LANCL3: variants seen among roughly 807,000 people sequenced by gnomAD.
The protein encoded by LANCL3 is lanC-like protein 3.
In LANCL3, 19 loss-of-function variants were observed where a neutral mutation model predicts 26.5. The ratio of observed to expected loss-of-function variants is 0.72; its 90% CI spans 0.50 to 1.05. The LOEUF is 1.05. Among genes scored for constraint, LANCL3 ranks in the 50% least tolerant of loss-of-function variants. The probability of loss-of-function intolerance (pLI) is 0.00; values close to 1 mark genes in which losing one functional copy is unlikely to be tolerated. For synonymous variants in LANCL3, 160 were observed against 166.6 expected (o/e 0.96, Z 0.30); for missense variants, 318 against 362.7 (o/e 0.88, Z 1.00).
intron 1 of LANCL3, among the ~76,000 whole-genome samples, chrX:37,601,843 T>C (rs782562435): frequency 1.4e-3 from 160 of 112,119 alleles, no homozygotes; most frequent in Non-Finnish European, 1.9e-3. Context: ...GCAGAACTGT[T>C]ACATGGCCAT....
At chrX:37,666,113 G>T (rs1234975000) in intron 3 of LANCL3, among the ~76,000 whole-genome samples, 5 of 111,793 alleles carry the variant, frequency 4.5e-5, no homozygotes, top group African/African-American at 1.6e-4. Context: ...CTTAAAAAGG[G>T]TATGAAATCA....
At position 37,679,890 on chromosome X, in the gene LANCL3, G is replaced by T. The variant is rs1251279196; in HGVS notation, c.*4077G>T. The T allele has an allele frequency of 1.8e-5, 2 of 111,421 alleles. No individual in the cohort carries two copies. Among genetic ancestry groups the T allele is most frequent in the African/African-American group, 6.5e-5 (2 of 30,616 alleles). The allele number at this position is 111,421 out of a possible 1,213,427, so 9.2% of individuals were successfully genotyped here. On this transcript the variant is annotated 3_prime_UTR_variant, in exon 5 of 5. Transcript: ENST00000378619. ...AAAGAACCAGTCCATTCTTACCCAT[G>T]AGTTTTATTGCTTTCTGGGACCTCT...
At position 37,655,768 on chromosome X, in the gene LANCL3, A is replaced by G. The variant is rs1212576067; in HGVS notation, c.654A>G (p.Lys218=). The G allele has an allele frequency of 8.3e-7, 1 of 1,203,676 alleles. No individual in the cohort carries two copies. The highest frequency in any genetic ancestry group is 2.2e-5 in the Admixed American group (1 of 45,489). ...AGCAGTATGCCATAAAGAAGAGGAAACCATTCCCCCTGATGTATTCTTACT... is the reference window on the plus strand; with the variant it reads ...AGCAGTATGCCATAAAGAAGAGGAAGCCATTCCCCCTGATGTATTCTTACT... ...SGKQYAIKKR[K]PFPLMYSYYG... is the part of the protein sequence containing the mutation. Residue 218 remains lysine (K), a synonymous_variant, in exon 2 of 5, where the codon AAA becomes AAG. Coordinates refer to ENST00000378619, the MANE Select transcript of LANCL3 (RefSeq NM_001170331.2).
chrX:37,576,317 G>A (rs1602090015), intron 1 of LANCL3, among the ~76,000 whole-genome samples: 2 of 111,636 alleles, frequency 1.8e-5, no homozygotes, highest in South Asian at 3.8e-4. Flanking sequence ...AGTTCCAAGG[G>A]TTTCTTAGGC....
chrX:37,592,998 G>A (rs1263268678), intron 1 of LANCL3, among the ~76,000 whole-genome samples: 1 of 111,878 alleles, frequency 8.9e-6, no homozygotes, highest in Non-Finnish European at 1.9e-5. Flanking sequence ...ATGAAGCAAG[G>A]TCTCCAAAAT....
At chrX:37,671,278 A>T (rs1317589398) in intron 4 of LANCL3, among the ~76,000 whole-genome samples, 1 of 110,829 alleles carries the variant, frequency 9.0e-6, no homozygotes, top group Non-Finnish European at 1.9e-5. Flanking sequence ...TAACAATGCA[A>T]CCCTATAACA....
At position 37,679,287 on chromosome X, in the gene LANCL3, T is replaced by G. The variant is rs1602140667; in HGVS notation, c.*3474T>G. On this transcript the variant is annotated 3_prime_UTR_variant, in exon 5 of 5. Transcript: ENST00000378619. ...GAATTTCAACCAAATAGAATCTCTA[T>G]ATGTGGATGTAGTGCTTGAGGTCTG... 1 of 111,749 alleles carries G rather than the reference T, an allele frequency of 8.9e-6. No homozygotes were observed. The highest frequency in any genetic ancestry group is 3.3e-5 in the African/African-American group (1 of 30,741). The allele number at this position is 111,749 out of a possible 1,213,427, so 9.2% of individuals were successfully genotyped here.
chrX:37,631,157 A>G (rs782085336), intron 1 of LANCL3, among the ~76,000 whole-genome samples: 127 of 111,764 alleles, frequency 1.1e-3, no homozygotes, highest in African/African-American at 3.7e-3. Flanking sequence ...CAGAGATTCA[A>G]TTTCTTCCTG....
chrX:37,621,417 A>G (rs1448763275), intron 1 of LANCL3, among the ~76,000 whole-genome samples: 1 of 112,211 alleles, frequency 8.9e-6, no homozygotes, highest in Non-Finnish European at 1.9e-5. Flanking sequence ...CTTAAGGAAA[A>G]CCTGGTTGAA....
chrX:37,572,056 G>C lies in LANCL3; in HGVS notation c.186G>C (p.Gln62His), dbSNP rs1391380560. The C allele has an allele frequency of 8.5e-7, 1 of 1,179,408 alleles. No individual in the cohort carries two copies. The highest frequency in any genetic ancestry group is 2.3e-5 in the Admixed American group (1 of 43,151). ...CGACGGCGGGGGCTAGCGCCTGCCAGGGGGGGCTTTATGGCGGCGTGGCCG... is the reference window on the plus strand; with the variant it reads ...CGACGGCGGGGGCTAGCGCCTGCCACGGGGGGCTTTATGGCGGCGTGGCCG... ...RGATAGASAC[Q>H]GGLYGGVAGV... The change falls in exon 1 of 5, where the codon CAG (glutamine) becomes CAC (histidine). Residue 62 changes from glutamine (Q) to histidine (H), a missense_variant. Gln to His is a conservative substitution (Grantham distance 24). Coordinates refer to ENST00000378619, the MANE Select transcript of LANCL3 (RefSeq NM_001170331.2).
In LANCL3 at chrX:37,571,805, G is replaced by A; in HGVS notation, c.-66G>A. 3 of 990,363 alleles carry A rather than the reference G, an allele frequency of 3.0e-6. No individual in the cohort carries two copies. Among genetic ancestry groups the A allele is most frequent in the Non-Finnish European group, 2.7e-6 (2 of 727,760 alleles). 81.6% of individuals were successfully genotyped at this position (990,363 alleles called of 1,213,427 possible). A position where few individuals can be genotyped will look rare whatever the true frequency, so the allele number is the denominator to read the frequency against. ...AGTGCCTCAGAGAGCCGGAGGTGGT[G>A]TGCGGGGCTGCAGGGCACGACTTCA... On this transcript the variant is annotated 5_prime_UTR_variant, in exon 1 of 5. In the 5' UTR this introduces an upstream ATG that the reference lacks. Coordinates refer to ENST00000378619, the MANE Select transcript of LANCL3 (RefSeq NM_001170331.2).
At chrX:37,587,499 G>A (rs1420618611) in intron 1 of LANCL3, among the ~76,000 whole-genome samples, 3 of 112,735 alleles carry the variant, frequency 2.7e-5, no homozygotes, top group East Asian at 5.6e-4. Context: ...GCAATGGCGG[G>A]CGCCCCTCCC....
intron 1 of LANCL3, among the ~76,000 whole-genome samples, chrX:37,615,894 T>C (rs1344452342): frequency 1.8e-5 from 2 of 112,249 alleles, no homozygotes; most frequent in Non-Finnish European, 3.8e-5. Context: ...CCAGTAGATA[T>C]AGAAGCAATA....
At chrX:37,632,553 G>T (rs1243354053) in intron 1 of LANCL3, among the ~76,000 whole-genome samples, 1 of 111,850 alleles carries the variant, frequency 8.9e-6, no homozygotes, top group Non-Finnish European at 1.9e-5. Flanking sequence ...TAGTGTCGAT[G>T]GTCTTTACAA....
intron 1 of LANCL3, among the ~76,000 whole-genome samples, chrX:37,617,751 G>C (rs377032933): frequency 9.0e-6 from 1 of 111,663 alleles, no homozygotes; most frequent in African/African-American, 3.3e-5. Flanking sequence ...AGGAAGACTA[G>C]AGTAGATGGA....
intron 1 of LANCL3, among the ~76,000 whole-genome samples, chrX:37,621,202 C>A (rs56141701): frequency 8.9e-6 from 1 of 112,159 alleles, no homozygotes; most frequent in African/African-American, 3.3e-5. Flanking sequence ...CCTCAGTTTG[C>A]AATATTTGTG....
At chrX:37,572,824 T>TA (rs1424892556) in intron 1 of LANCL3, among the ~76,000 whole-genome samples, 1 of 111,894 alleles carries the variant, frequency 8.9e-6, no homozygotes, top group Non-Finnish European at 1.9e-5. Context: ...CCTCGAATGT[T>TA]AGAGTGCTAG....
chrX:37,634,222 T>C (rs1556425067), intron 1 of LANCL3, among the ~76,000 whole-genome samples: 1 of 112,591 alleles, frequency 8.9e-6, no homozygotes, highest in African/African-American at 3.2e-5. Flanking sequence ...TCCGTGGACG[T>C]AGGACCCTTC....
chrX:37,625,496 A>G (rs1257432000), intron 1 of LANCL3, among the ~76,000 whole-genome samples: 2 of 111,463 alleles, frequency 1.8e-5, no homozygotes, highest in African/African-American at 6.5e-5. Flanking sequence ...AACACAACAC[A>G]GGGTACTGAT....
Sources: allele counts gnomAD v4.1 joint callset (sites outside exome capture counted in the v4.1 genomes callset), GRCh38; gene constraint gnomAD v4.1.1; transcripts MANE v1.5; gene names NCBI Gene and HGNC (gene_info 2026-07-23, HGNC 2026-07-21).